The following TRPM2 variants were observed in gnomAD, a reference collection of about 807,000 sequenced individuals.
The protein encoded by TRPM2 is estrogen-responsive element-associated gene 1 protein.
TRPM2 carries 161 observed loss-of-function variants against 174.0 expected under a neutral mutation model. The ratio of observed to expected loss-of-function variants is 0.93; its 90% CI spans 0.81 to 1.05. The LOEUF is 1.05. Among genes scored for constraint, TRPM2 ranks in the 50% least tolerant of loss-of-function variants. The pLI is 0.00. For missense variants in TRPM2, 2,057 were observed against 2,038.0 expected, an observed-to-expected ratio of 1.01 and a Z score of -0.18; for synonymous variants, 954 against 861.3, an observed-to-expected ratio of 1.11 and a Z score of -1.88.
intron 5 of TRPM2, among the ~76,000 whole-genome samples, chr21:44,374,913 A>G (rs2048650440): frequency 6.6e-6 from 1 of 151,888 alleles, no homozygotes; most frequent in Non-Finnish European, 1.5e-5. Context: ...CTTCCTTCTG[A>G]GCCCTTACTG....
At chr21:44,363,269 T>G (rs2048269097) in intron 2 of TRPM2, among the ~76,000 whole-genome samples, 1 of 152,218 alleles carries the variant, frequency 6.6e-6, no homozygotes, top group Admixed American at 6.5e-5. Flanking sequence ...TCTTTTTCTT[T>G]TCCTTCTGGA....
Position 44,432,857 on chromosome 21 carries a change from G to A in TRPM2, c.3975-2274G>A, listed in dbSNP as rs992518635. Reference sequence around the variant, plus strand: ...GTGTGATTGCTGTAGCCAGACTGTCGCTGTTTTTGCGCTTTGGGGTTGTGT... The same window carrying A: ...GTGTGATTGCTGTAGCCAGACTGTCACTGTTTTTGCGCTTTGGGGTTGTGT... On this transcript the variant is annotated intron_variant, in intron 27 of 31. Coordinates refer to ENST00000397928, the MANE Select transcript of TRPM2 (RefSeq NM_003307.4). The surrounding 1 kb of genome is among the most constrained non-coding windows in gnomAD (Gnocchi z 4.9). 3.3e-5 allele frequency among the ~76,000 whole-genome samples: 5 copies of A among 152,302 alleles called. No individual in the cohort carries two copies. The highest frequency in any genetic ancestry group is 2.1e-4 in the South Asian group (1 of 4,828).
intron 19 of TRPM2, among the ~76,000 whole-genome samples, chr21:44,409,744 G>A (rs535444641): frequency 1.1e-4 from 16 of 148,768 alleles, no homozygotes; most frequent in African/African-American, 3.7e-4. Flanking sequence ...TGACCACACT[G>A]TCTTGGTGTA....
At position 44,366,851 on chromosome 21, in the gene TRPM2, C is replaced by T. The variant is rs1401845785; in HGVS notation, c.521C>T (p.Thr174Ile). The T allele has an allele frequency of 6.2e-7, 1 of 1,613,722 alleles. No individual in the cohort carries two copies. Among genetic ancestry groups the T allele is most frequent in the Non-Finnish European group, 8.5e-7 (1 of 1,179,852 alleles). ...GTCCCCAATCTCTTGATCTCGGTGA[C>T]CGGGGGGGCCAAGAACTTCAACATG... ...LDVPNLLISV[T>I]GGAKNFNMKP... is the part of the protein sequence containing the mutation. Residue 174 changes from threonine to isoleucine, a missense_variant, in exon 4 of 32, where the codon ACC becomes ATC. Coordinates refer to ENST00000397928, the MANE Select transcript of TRPM2 (RefSeq NM_003307.4). This position sits in a 1 kb window ranked among gnomAD's most constrained non-coding sequence, Gnocchi z 6.0.
chr21:44,388,618 C>G (rs188209760), intron 9 of TRPM2, among the ~76,000 whole-genome samples: 91 of 143,736 alleles, frequency 6.3e-4, no homozygotes, highest in African/African-American at 2.2e-3. Flanking sequence ...CACTTGAGCC[C>G]AGCCTAGGCA....
At chr21:44,403,662 T>C (rs2049719215) in intron 16 of TRPM2, among the ~76,000 whole-genome samples, 1 of 147,372 alleles carries the variant, frequency 6.8e-6, no homozygotes, top group Admixed American at 6.7e-5. Flanking sequence ...TGCACACACA[T>C]GCATACACAC....
intron 2 of TRPM2, among the ~76,000 whole-genome samples, chr21:44,361,165 A>G (rs147002861): frequency 3.5e-4 from 53 of 152,120 alleles, no homozygotes; most frequent in Middle Eastern, 3.4e-3. Flanking sequence ...ATTATTTTTG[A>G]TATGGAGTCT....
At position 44,401,807 on chromosome 21, in the gene TRPM2, G is replaced by A. The variant is rs148700306; in HGVS notation, c.2448G>A (p.Val816=). Residue 816 remains valine, a synonymous_variant, in exon 16 of 32, where the codon GTG becomes GTA. Transcript: ENST00000397928. ...CCTTCCTCTGCCTGTTCGCCTACGT[G>A]CTCATGGTGGACTTCCAGCCTGTGC... ...YFAFLCLFAY[V]LMVDFQPVPS... is the part of the protein sequence containing the mutation. 5.6e-6 allele frequency: 9 copies of A among 1,613,774 alleles called. No individual in the cohort carries two copies. The highest frequency in any genetic ancestry group is 4.0e-5 in the African/African-American group (3 of 74,928).
At position 44,367,935 on chromosome 21, in the gene TRPM2, C is replaced by G. The variant is rs2048407562; in HGVS notation, c.604+1001C>G. On this transcript the variant is annotated intron_variant, in intron 4 of 31. Transcript: ENST00000397928. The surrounding 1 kb of genome is among the most constrained non-coding windows in gnomAD (Gnocchi z 4.6). ...AACGCAGGTCACCATCCCACAGGCT[C>G]TTTCTGAAGCTTTGCTGCCTCAAAT... 6.6e-6 allele frequency among the ~76,000 whole-genome samples: 1 copy of G among 152,374 alleles called. No individual in the cohort carries two copies. Among genetic ancestry groups the G allele is most frequent in the Non-Finnish European group, 1.5e-5 (1 of 68,034 alleles).
intron 27 of TRPM2, among the ~76,000 whole-genome samples, chr21:44,428,478 C>T (rs2050891792): frequency 6.8e-6 from 1 of 146,770 alleles, no homozygotes; most frequent in East Asian, 2.1e-4. Context: ...GTGGCTCCTC[C>T]CTGAGGTGTG....
At chr21:44,405,309 G>A (rs775121443) in intron 17 of TRPM2, 49 bp downstream of exon 17, 3 of 1,606,012 alleles carry the variant, frequency 1.9e-6, no homozygotes, top group Non-Finnish European at 2.5e-6. Context: ...AGCCAGCCCT[G>A]CAGGGGATGA....
At chr21:44,401,963 G>C in intron 16 of TRPM2, 66 bp downstream of exon 16, 1 of 1,578,040 alleles carries the variant, frequency 6.3e-7, no homozygotes, top group Admixed American at 1.7e-5. Context: ...TTCTCATAGG[G>C]GACCCATGGC....
intron 4 of TRPM2, among the ~76,000 whole-genome samples, chr21:44,368,450 G>A (rs2048421000): frequency 1.3e-5 from 2 of 148,262 alleles, no homozygotes; most frequent in Non-Finnish European, 3.0e-5. Context: ...TTTGGAGTTG[G>A]AGTCTTGCTC....
chr21:44,403,243 C>G (rs986855888), intron 16 of TRPM2, among the ~76,000 whole-genome samples: 6 of 152,202 alleles, frequency 3.9e-5, no homozygotes, highest in African/African-American at 1.4e-4. Flanking sequence ...CTGGTTGGTC[C>G]TGCTGGTCAC....
chr21:44,394,622 T>C (rs1336455394), intron 11 of TRPM2, among the ~76,000 whole-genome samples: 1 of 151,774 alleles, frequency 6.6e-6, no homozygotes, highest in Non-Finnish European at 1.5e-5. Context: ...CCAGGCCGGG[T>C]ATGGCTTGGT....
intron 16 of TRPM2, among the ~76,000 whole-genome samples, chr21:44,403,928 T>C (rs1257608105): frequency 6.7e-6 from 1 of 148,890 alleles, no homozygotes; most frequent in Admixed American, 6.7e-5. Flanking sequence ...CATACACATG[T>C]ACACAATATA....
upstream of TRPM2, among the ~76,000 whole-genome samples, chr21:44,350,847 G>C (rs2122921704): frequency 0.026 from 3,985 of 152,206 alleles, 191 homozygotes; most frequent in African/African-American, 0.091. Context: ...GGCGCGAGGG[G>C]ACCCGGGGAT....
At chr21:44,359,793 G>C (rs2048162536) in intron 2 of TRPM2, among the ~76,000 whole-genome samples, 1 of 150,700 alleles carries the variant, frequency 6.6e-6, no homozygotes, top group African/African-American at 2.4e-5. Context: ...TGTCACCCAG[G>C]CTGGAGTGCA....
chr21:44,393,700 C>T (rs1353213706), intron 11 of TRPM2, among the ~76,000 whole-genome samples: 1 of 151,042 alleles, frequency 6.6e-6, no homozygotes, highest in Non-Finnish European at 1.5e-5. Flanking sequence ...TAGTAACTTT[C>T]TCAGTTTCTT....
Sources: allele counts gnomAD v4.1 joint callset (sites outside exome capture counted in the v4.1 genomes callset), GRCh38; gene constraint gnomAD v4.1.1; non-coding constraint Gnocchi (gnomAD v3.1); transcripts MANE v1.5; gene names NCBI Gene and HGNC (gene_info 2026-07-23, HGNC 2026-07-21).